Variants in PAPPA2 observed in about 807,000 individuals in gnomAD.
The protein encoded by PAPPA2 is pappalysin 2.
PAPPA2 carries 86 observed loss-of-function variants against 176.4 expected under a neutral mutation model. The ratio of observed to expected loss-of-function variants is 0.49; its 90% CI spans 0.41 to 0.58. PAPPA2 has a LOEUF of 0.58. Among genes scored for constraint, PAPPA2 ranks in the 20% least tolerant of loss-of-function variants. PAPPA2 has a pLI of 0.00. For missense variants in PAPPA2, 2,073 were observed against 2,256.9 expected (o/e 0.92, Z 1.65); for synonymous variants, 809 against 852.2 (o/e 0.95, Z 0.88).
intron 3 of PAPPA2, among the ~76,000 whole-genome samples, chr1:176,638,996 G>A (rs1438373347): frequency 6.6e-6 from 1 of 150,910 alleles, no homozygotes; most frequent in Admixed American, 6.6e-5. Context: ...GAGGCAAGTG[G>A]AGAATGCTAA....
At chr1:176,474,430 C>T (rs546929874) in intron 1 of PAPPA2, among the ~76,000 whole-genome samples, 23 of 152,300 alleles carry the variant, frequency 1.5e-4, no homozygotes, top group Admixed American at 7.8e-4. Flanking sequence ...GGCTGCCTAA[C>T]GGCAAGAGGG....
intron 3 of PAPPA2, among the ~76,000 whole-genome samples, chr1:176,623,795 CT>C (rs1475094060): frequency 5.9e-4 from 64 of 108,736 alleles, no homozygotes; most frequent in African/African-American, 1.7e-3. Flanking sequence ...TTCTTTCTTT[CT>C]TTCTTTCTTT....
chr1:176,577,689 T>A (rs1459044713), intron 2 of PAPPA2, among the ~76,000 whole-genome samples: 1 of 152,092 alleles, frequency 6.6e-6, no homozygotes, highest in Non-Finnish European at 1.5e-5. Context: ...TTGGTTTTTT[T>A]ATTCCCCTCA....
chr1:176,629,000 G>T (rs1399973324), intron 3 of PAPPA2, among the ~76,000 whole-genome samples: 1 of 152,180 alleles, frequency 6.6e-6, no homozygotes, highest in Non-Finnish European at 1.5e-5. Flanking sequence ...ATCAAGAATT[G>T]ATGTAAACAG....
chr1:176,670,910 TG>T, intron 3 of PAPPA2, 59 bp from the exon 4 acceptor site: 1 of 1,601,940 alleles, frequency 6.2e-7, no homozygotes, highest in Non-Finnish European at 8.5e-7. Context: ...GGTCTGGCTC[TG>T]CTATTCTCTA....
At chr1:176,529,564 AC>A (rs1259622718) in intron 1 of PAPPA2, among the ~76,000 whole-genome samples, 1 of 152,108 alleles carries the variant, frequency 6.6e-6, no homozygotes, top group Non-Finnish European at 1.5e-5. Flanking sequence ...GAAGGAGAGC[AC>A]CTATTAGCTC....
rs974086596 is a variant in PAPPA2, at chr1:176,771,093, A to C, written c.4628A>C (p.Gln1543Pro). 6 of 1,614,060 alleles carry C rather than the reference A, an allele frequency of 3.7e-6. No individual in the cohort carries two copies. Among genetic ancestry groups the C allele is most frequent in the Non-Finnish European group, 5.1e-6 (6 of 1,180,028 alleles). Residue 1543 changes from glutamine to proline, a missense_variant, in exon 17 of 23, where the codon CAG (glutamine) becomes CCG (proline). This residue lies in a region of PAPPA2 where 846 missense variants were observed against 857.9 expected (regional missense o/e 0.99). Coordinates refer to ENST00000367662, the MANE Select transcript of PAPPA2 (RefSeq NM_020318.3). ...AACTTGCTCCTGCCTCACTGCCTCC[A>C]GGACAACCACGACGTGGGCACCATC... ...NANLLLPHCL[Q>P]DNHDVGTICK...
chr1:176,543,547 A>C (rs1182212891), intron 1 of PAPPA2, among the ~76,000 whole-genome samples: 1 of 152,058 alleles, frequency 6.6e-6, no homozygotes, highest in African/African-American at 2.4e-5. Context: ...GGTTTAGCTC[A>C]GCTTCTTATT....
chr1:176,608,227 C>G (rs1303881348), intron 3 of PAPPA2, among the ~76,000 whole-genome samples: 1 of 152,178 alleles, frequency 6.6e-6, no homozygotes, highest in East Asian at 1.9e-4. Flanking sequence ...ATCAGCTACT[C>G]TGATATTTGA....
At chr1:176,670,832 A>G (rs995216905) in intron 3 of PAPPA2, 138 bp from the exon 4 acceptor site, 2 of 986,052 alleles carry the variant, frequency 2.0e-6, no homozygotes, top group African/African-American at 3.2e-5. Flanking sequence ...TCTTCATGAC[A>G]GGCTGGTCTC....
At chr1:176,637,466 T>C (rs1209048758) in intron 3 of PAPPA2, among the ~76,000 whole-genome samples, 1 of 152,144 alleles carries the variant, frequency 6.6e-6, no homozygotes, top group Non-Finnish European at 1.5e-5. Flanking sequence ...AGGTCTCTCA[T>C]CTATAACAAT....
At chr1:176,763,269 A>G (rs1216644758) in intron 14 of PAPPA2, among the ~76,000 whole-genome samples, 1 of 152,206 alleles carries the variant, frequency 6.6e-6, no homozygotes, top group Admixed American at 6.5e-5. Context: ...AAGGGCAACA[A>G]CATCAAGAGC....
At chr1:176,464,202 C>T (rs1651509872) in intron 1 of PAPPA2, among the ~76,000 whole-genome samples, 1 of 152,112 alleles carries the variant, frequency 6.6e-6, no homozygotes, top group Non-Finnish European at 1.5e-5. Flanking sequence ...ATGCCTATGA[C>T]CTCATACTCT....
chr1:176,711,482 C>T (rs1439257051), intron 11 of PAPPA2, among the ~76,000 whole-genome samples: 1 of 152,114 alleles, frequency 6.6e-6, no homozygotes, highest in Non-Finnish European at 1.5e-5. Context: ...ACTTTTGGGG[C>T]CAGTGGATGC....
intron 1 of PAPPA2, among the ~76,000 whole-genome samples, chr1:176,468,854 A>C (rs1651750885): frequency 6.6e-6 from 1 of 152,174 alleles, no homozygotes; most frequent in Non-Finnish European, 1.5e-5. Flanking sequence ...TCCTTTAAAA[A>C]GTTTTGTCTC....
intron 2 of PAPPA2, among the ~76,000 whole-genome samples, chr1:176,589,746 A>G (rs903864031): frequency 3.9e-5 from 6 of 152,226 alleles, no homozygotes. Flanking sequence ...GTTTGTTTCT[A>G]TCTCATGTAC....
At chr1:176,702,906 A>C (rs1397255203) in intron 9 of PAPPA2, among the ~76,000 whole-genome samples, 171 bp downstream of exon 9, 1 of 152,006 alleles carries the variant, frequency 6.6e-6, no homozygotes, top group Non-Finnish European at 1.5e-5. Flanking sequence ...TCTAGTGTTG[A>C]AATTCTAAAA....
At chr1:176,527,563 T>A (rs1026442116) in intron 1 of PAPPA2, among the ~76,000 whole-genome samples, 1 of 152,148 alleles carries the variant, frequency 6.6e-6, no homozygotes, top group South Asian at 2.1e-4. Flanking sequence ...ACTGCATATG[T>A]TTTGGGCTGA....
intron 4 of PAPPA2, among the ~76,000 whole-genome samples, chr1:176,686,410 C>T (rs772529118): frequency 1.3e-5 from 2 of 152,082 alleles, no homozygotes; most frequent in African/African-American, 2.4e-5. Flanking sequence ...AGGGAAACTG[C>T]CCCCATGATT....
Sources: gnomAD v4.1 joint callset for allele counts (sites outside exome capture counted in the v4.1 genomes callset) on GRCh38, gnomAD v4.1.1 for gene constraint, gnomAD v4.1.1 regional missense constraint, MANE v1.5 for transcripts, NCBI Gene and HGNC (gene_info 2026-07-23, HGNC 2026-07-21) for gene names.